PCM1: variants seen among roughly 807,000 people sequenced by gnomAD.
PCM1 encodes pericentriolar material 1 protein.
Under a neutral mutation model 241.9 loss-of-function variants are expected in PCM1, and 157 were observed. The observed-to-expected ratio is 0.65, with a 90% CI of 0.57 to 0.74. The LOEUF (loss-of-function observed/expected upper bound fraction) is 0.74. PCM1 is among the 30% of genes least tolerant of loss of function. PCM1 has a pLI of 0.00. For missense variants in PCM1, 3,478 were observed against 2,360.1 expected (o/e 1.47, Z -9.81); for synonymous variants, 1,085 against 784.9 (o/e 1.38, Z -6.39).
chr8:18,015,016 G>A (rs1191851031), intron 36 of PCM1, among the ~76,000 whole-genome samples, 176 bp downstream of exon 36: 1 of 152,104 alleles, frequency 6.6e-6, no homozygotes, highest in Non-Finnish European at 1.5e-5. Context: ...GAATTAAGAT[G>A]ACCATCTCAA....
intron 9 of PCM1, among the ~76,000 whole-genome samples, chr8:17,954,935 C>T (rs961262751): frequency 6.6e-6 from 1 of 152,020 alleles, no homozygotes. Flanking sequence ...TCTTTCTCTC[C>T]TGGAGCAAGA....
Position 17,937,235 on chromosome 8 carries a change from G to C in PCM1, c.198G>C (p.Pro66=). ...AAAGAGTAACCAATGATATTTCTCC[G>C]GAGTCGTCACCAGGAGTTGGAAGGC... ...SDKRVTNDIS[P]ESSPGVGRRR... The change falls in exon 4 of 39, where the codon CCG becomes CCC. Residue 66 remains proline, a synonymous_variant. Coordinates refer to ENST00000325083, the MANE Select transcript of PCM1 (RefSeq NM_006197.4). 1 of 1,609,010 alleles carries C rather than the reference G, an allele frequency of 6.2e-7. No individual in the cohort carries two copies. Among genetic ancestry groups the C allele is most frequent in the Non-Finnish European group, 8.5e-7 (1 of 1,176,588 alleles).
At chr8:17,946,595 C>T (rs1022795739) in intron 6 of PCM1, among the ~76,000 whole-genome samples, 2 of 151,894 alleles carry the variant, frequency 1.3e-5, no homozygotes, top group South Asian at 4.1e-4. Flanking sequence ...CTCCTGAGTT[C>T]AAGCGATTCT....
intron 2 of PCM1, among the ~76,000 whole-genome samples, chr8:17,933,696 G>A (rs1483498372): frequency 7.2e-5 from 11 of 151,952 alleles, no homozygotes; most frequent in Non-Finnish European, 1.6e-4. Context: ...AAGTGGTATT[G>A]GTGATATTTT....
intron 2 of PCM1, chr8:17,926,080 G>A (rs1409775209): frequency 6.6e-6 from 1 of 152,032 alleles, no homozygotes; most frequent in African/African-American, 2.4e-5. Flanking sequence ...GTGAATGTGT[G>A]TGTTAGAGTT....
intron 2 of PCM1, chr8:17,925,580 T>G (rs913469327): frequency 6.6e-6 from 1 of 152,228 alleles, no homozygotes; most frequent in African/African-American, 2.4e-5. Flanking sequence ...CTCACGCCTG[T>G]AATCCCAGCA....
At chr8:17,929,300 C>T (rs1470101919) in intron 2 of PCM1, among the ~76,000 whole-genome samples, 3 of 152,074 alleles carry the variant, frequency 2.0e-5, no homozygotes, top group East Asian at 1.9e-4. Flanking sequence ...CTTTCTGTAC[C>T]TTATTAGTGT....
intron 2 of PCM1, among the ~76,000 whole-genome samples, chr8:17,933,374 G>C (rs1471776418): frequency 6.6e-6 from 1 of 152,066 alleles, no homozygotes; most frequent in Non-Finnish European, 1.5e-5. Flanking sequence ...TGCTATCCTT[G>C]CTTTTATTTT....
chr8:17,923,470 C>T (rs1183409241), intron 1 of PCM1, among the ~76,000 whole-genome samples: 2 of 152,178 alleles, frequency 1.3e-5, no homozygotes, highest in Non-Finnish European at 2.9e-5. Context: ...CTGGCCCTGT[C>T]GGGGAGGCTG....
Position 18,028,223 on chromosome 8 carries a change from T to C in PCM1, c.*561T>C, listed in dbSNP as rs2094355840. On this transcript the variant is annotated 3_prime_UTR_variant, in exon 39 of 39. Transcript: ENST00000325083. ...GGGCAGATTATCAAGATATCCAGGATACCTATGAAGTTATTATAGAATATT... is the reference window on the plus strand; with the variant it reads ...GGGCAGATTATCAAGATATCCAGGACACCTATGAAGTTATTATAGAATATT... 1 of 189,710 alleles carries C rather than the reference T, an allele frequency of 5.3e-6. No individual in the cohort carries two copies. The highest frequency in any genetic ancestry group is 6.1e-5 in the Admixed American group (1 of 16,306). The allele number at this position is 189,710 out of a possible 1,614,324, so 11.8% of individuals were successfully genotyped here. A position where few individuals can be genotyped will look rare whatever the true frequency, so the allele number is the denominator to read the frequency against.
chr8:17,986,156 T>G, intron 26 of PCM1, 69 bp downstream of exon 26: 1 of 1,107,768 alleles, frequency 9.0e-7, no homozygotes, highest in South Asian at 2.1e-5. Flanking sequence ...TTAAATAGAT[T>G]ATTGTCAAAT....
At chr8:17,981,505 A>G (rs1414030824) in intron 24 of PCM1, among the ~76,000 whole-genome samples, 4 of 152,228 alleles carry the variant, frequency 2.6e-5, no homozygotes, top group Non-Finnish European at 4.4e-5. Context: ...GTAGTTTCCT[A>G]ATTTGTAAAG....
At chr8:17,958,825 G>A (rs1393723383) in intron 13 of PCM1, among the ~76,000 whole-genome samples, 1 of 152,052 alleles carries the variant, frequency 6.6e-6, no homozygotes, top group Non-Finnish European at 1.5e-5. Flanking sequence ...GGGTTCAAGC[G>A]ATTCTTCTGC....
chr8:18,016,279 G>A (rs2093180569), intron 36 of PCM1, among the ~76,000 whole-genome samples: 1 of 115,140 alleles, frequency 8.7e-6, no homozygotes, highest in South Asian at 2.4e-4. Context: ...GGTAGGTGAG[G>A]TTTAGAAAGA....
At chr8:17,965,873 A>T in intron 18 of PCM1, 126 bp from the exon 19 acceptor site, 1 of 624,372 alleles carries the variant, frequency 1.6e-6, no homozygotes, top group Non-Finnish European at 2.8e-6. Flanking sequence ...ATTTTTTAAT[A>T]CTTTGTATGT....
chr8:17,995,553 C>G (rs1554737878), intron 29 of PCM1, among the ~76,000 whole-genome samples: 1 of 151,158 alleles, frequency 6.6e-6, no homozygotes, highest in Non-Finnish European at 1.5e-5. Context: ...CTGTTCTGAG[C>G]TTTTTTTGTG....
intron 27 of PCM1, among the ~76,000 whole-genome samples, chr8:17,990,396 G>C (rs76051061): frequency 1.7e-3 from 265 of 151,502 alleles, no homozygotes; most frequent in African/African-American, 6.0e-3. Flanking sequence ...GAGTTAAGCA[G>C]TCAGTTTTCT....
At chr8:17,970,130 G>A (rs1185791288) in intron 22 of PCM1, among the ~76,000 whole-genome samples, 1 of 152,044 alleles carries the variant, frequency 6.6e-6, no homozygotes, top group Non-Finnish European at 1.5e-5. Flanking sequence ...ACTTCCTAAA[G>A]CCTATTCAAA....
At chr8:17,936,146 C>G (rs547686631) in intron 3 of PCM1, among the ~76,000 whole-genome samples, 26 of 152,248 alleles carry the variant, frequency 1.7e-4, no homozygotes, top group South Asian at 6.2e-4. Flanking sequence ...GTTATGGGTG[C>G]AGTTATGTAC....
Sources: allele counts gnomAD v4.1 joint callset (sites outside exome capture counted in the v4.1 genomes callset), GRCh38; gene constraint gnomAD v4.1.1; transcripts MANE v1.5; gene names NCBI Gene and HGNC (gene_info 2026-07-23, HGNC 2026-07-21).